The following QTMAN variants were observed in gnomAD, a reference collection of about 807,000 sequenced individuals.
QTMAN encodes queuosine-tRNA mannosyltransferase.
chr2:144,201,015 T>C, the QTMAN span, among the ~76,000 whole-genome samples: 1 of 152,170 alleles, frequency 6.6e-6, no homozygotes, highest in East Asian at 1.9e-4. Flanking sequence ...ATCTGCTAGG[T>C]GGCATACTAG....
chr2:144,129,341 T>A, the QTMAN span, among the ~76,000 whole-genome samples: 1 of 151,874 alleles, frequency 6.6e-6, no homozygotes, highest in Non-Finnish European at 1.5e-5. Flanking sequence ...AGGAAGCACA[T>A]TCCCAACTAG....
the QTMAN span, among the ~76,000 whole-genome samples, chr2:144,110,007 G>C: frequency 6.6e-6 from 1 of 152,210 alleles, no homozygotes; most frequent in East Asian, 1.9e-4. Context: ...TCTAGAACTA[G>C]AAATAGCATT....
chr2:144,096,552 G>C, the QTMAN span, among the ~76,000 whole-genome samples: 1 of 152,330 alleles, frequency 6.6e-6, no homozygotes, highest in African/African-American at 2.4e-5. Context: ...AAGAATTATA[G>C]TGTCATGTGT....
At chr2:143,952,459 T>C in the QTMAN span, among the ~76,000 whole-genome samples, 376 of 151,604 alleles carry the variant, frequency 2.5e-3, 1 homozygote, top group African/African-American at 8.6e-3. Context: ...GATTTTTCTG[T>C]GTGTATCATT....
the QTMAN span, among the ~76,000 whole-genome samples, chr2:144,147,352 T>A: frequency 6.6e-6 from 1 of 151,570 alleles, no homozygotes. Flanking sequence ...GACCAAACAA[T>A]GCCCCATTTT....
the QTMAN span, among the ~76,000 whole-genome samples, chr2:144,110,140 C>G: frequency 6.6e-6 from 1 of 152,122 alleles, no homozygotes; most frequent in Admixed American, 6.5e-5. Context: ...TGGAACCAAC[C>G]CAGATGTCCA....
At chr2:144,246,553 C>A in the QTMAN span, among the ~76,000 whole-genome samples, 6 of 133,206 alleles carry the variant, frequency 4.5e-5, no homozygotes, top group African/African-American at 1.8e-4. Context: ...GCAGTCCGGC[C>A]TGGGCGACAG....
At chr2:143,957,407 T>A in the QTMAN span, 1 of 948,522 alleles carries the variant, frequency 1.1e-6, no homozygotes, top group Middle Eastern at 2.8e-4. Context: ...ATGTCAGCAG[T>A]GTCTCATCTG....
chr2:144,175,453 A>G, the QTMAN span, among the ~76,000 whole-genome samples: 1 of 152,172 alleles, frequency 6.6e-6, no homozygotes, highest in African/African-American at 2.4e-5. Context: ...GTAGAGTTCC[A>G]TAACAGATAC....
At chr2:144,164,816 A>C in the QTMAN span, among the ~76,000 whole-genome samples, 1 of 152,216 alleles carries the variant, frequency 6.6e-6, no homozygotes, top group Non-Finnish European at 1.5e-5. Flanking sequence ...CTGAGAGAAG[A>C]AAAAATGAAA....
At chr2:144,250,018 C>T in the QTMAN span, among the ~76,000 whole-genome samples, 6 of 151,954 alleles carry the variant, frequency 3.9e-5, no homozygotes, top group African/African-American at 1.4e-4. Context: ...CAAGAGGACA[C>T]AAGAGATCTC....
the QTMAN span, among the ~76,000 whole-genome samples, chr2:143,997,989 A>G: frequency 2.6e-5 from 4 of 151,982 alleles, no homozygotes; most frequent in African/African-American, 9.7e-5. Context: ...CGGTATATCA[A>G]CTCATGTCAT....
chr2:144,068,212 G>A, the QTMAN span, among the ~76,000 whole-genome samples: 1 of 152,120 alleles, frequency 6.6e-6, no homozygotes, highest in Non-Finnish European at 1.5e-5. Flanking sequence ...TCTAAAGACT[G>A]CGGGTTTAAA....
chr2:144,198,432 C>CT, the QTMAN span, among the ~76,000 whole-genome samples: 1 of 152,130 alleles, frequency 6.6e-6, no homozygotes, highest in Non-Finnish European at 1.5e-5. Context: ...CATCTCAAGA[C>CT]TTTGTTAGAG....
the QTMAN span, among the ~76,000 whole-genome samples, chr2:144,186,777 G>A: frequency 1.3e-5 from 2 of 151,964 alleles, no homozygotes; most frequent in Non-Finnish European, 2.9e-5. Context: ...GTGTCCTCTA[G>A]GTAATATCAA....
At chr2:144,164,105 T>C in the QTMAN span, among the ~76,000 whole-genome samples, 1 of 151,976 alleles carries the variant, frequency 6.6e-6, no homozygotes, top group Admixed American at 6.6e-5. Flanking sequence ...GTATTTTTAT[T>C]AGAGATGGGG....
At chr2:144,238,765 G>C in the QTMAN span, among the ~76,000 whole-genome samples, 8 of 152,012 alleles carry the variant, frequency 5.3e-5, no homozygotes, top group Non-Finnish European at 1.0e-4. Flanking sequence ...ATATAAGCTC[G>C]TTGTTTTTGC....
the QTMAN span, among the ~76,000 whole-genome samples, chr2:144,152,778 A>G: frequency 6.6e-6 from 1 of 152,358 alleles, no homozygotes; most frequent in East Asian, 1.9e-4. Flanking sequence ...GAAGTATAAG[A>G]TATCACCCCG....
chr2:144,106,253 C>G, the QTMAN span, among the ~76,000 whole-genome samples: 1 of 152,276 alleles, frequency 6.6e-6, no homozygotes, highest in Non-Finnish European at 1.5e-5. Flanking sequence ...TCACACATAA[C>G]AATATTAACC....
Sources: allele counts gnomAD v4.1 joint callset (sites outside exome capture counted in the v4.1 genomes callset), GRCh38; gene constraint gnomAD v4.1.1; transcripts MANE v1.5; gene names NCBI Gene and HGNC (gene_info 2026-07-23, HGNC 2026-07-21).